MOK: variants seen among roughly 807,000 people sequenced by gnomAD.
The protein encoded by MOK is MOK protein kinase.
In MOK, 59 loss-of-function variants were observed where a neutral mutation model predicts 54.2. The observed-to-expected ratio is 1.09, with a 90% CI of 0.88 to 1.35. The LOEUF (loss-of-function observed/expected upper bound fraction) is 1.35. Ranked by LOEUF, MOK falls within the 40% of genes most tolerant of loss-of-function variation. The probability of loss-of-function intolerance (pLI) is 0.00; values close to 1 mark genes in which losing one functional copy is unlikely to be tolerated. For synonymous variants in MOK, 210 were observed against 202.7 expected, an observed-to-expected ratio of 1.04 and a Z score of -0.31; for missense variants, 517 against 526.2, an observed-to-expected ratio of 0.98 and a Z score of 0.17.
chr14:102,283,271 A>T, intron 2 of MOK: 1 of 411,690 alleles, frequency 2.4e-6, no homozygotes, highest in Non-Finnish European at 4.3e-6. Context: ...TTTTGTGGTC[A>T]TTCATCACTG....
Position 102,283,610 on chromosome 14 carries a change from T to A in MOK, c.8-18A>T, listed in dbSNP as rs1324783554. 1 of 1,515,496 alleles carries A rather than the reference T, an allele frequency of 6.6e-7. No individual in the cohort carries two copies. The highest frequency in any genetic ancestry group is 9.1e-7 in the Non-Finnish European group (1 of 1,099,652). 93.9% of individuals were successfully genotyped at this position (1,515,496 alleles called of 1,614,324 possible). ...TTTATAGTCTATAAATAAAAATGAT[T>A]ACAAAAATAAAATGTTATTTATGCA... On this transcript the variant is annotated intron_variant, in intron 1 of 11. Coordinates refer to ENST00000361847, the MANE Select transcript of MOK (RefSeq NM_014226.3).
chr14:102,216,945 T>G, the MOK span, among the ~76,000 whole-genome samples: 50 of 152,134 alleles, frequency 3.3e-4, no homozygotes, highest in African/African-American at 1.1e-3. Flanking sequence ...AGAAAAAAAA[T>G]AGCCATTTCT....
intron 2 of MOK, among the ~76,000 whole-genome samples, chr14:102,274,056 C>T (rs1200630282): frequency 2.0e-5 from 3 of 151,776 alleles, no homozygotes; most frequent in East Asian, 3.9e-4. Flanking sequence ...CTCCTGGGTT[C>T]ACTCCATTCT....
intron 4 of MOK, among the ~76,000 whole-genome samples, chr14:102,260,907 G>T (rs2067334445): frequency 2.0e-5 from 3 of 151,942 alleles, no homozygotes. Flanking sequence ...GGATCACGAG[G>T]TCAAGGAGAT....
intron 4 of MOK, among the ~76,000 whole-genome samples, chr14:102,257,964 A>G (rs2067104465): frequency 6.7e-6 from 1 of 148,818 alleles, no homozygotes; most frequent in Admixed American, 6.7e-5. Flanking sequence ...CAACAGAGTG[A>G]GACTCTGTCT....
intron 1 of MOK, among the ~76,000 whole-genome samples, chr14:102,290,866 A>T (rs1378108203): frequency 6.6e-6 from 1 of 152,168 alleles, no homozygotes; most frequent in Non-Finnish European, 1.5e-5. Context: ...TGAGTCTCCA[A>T]ATGGAGGTGG....
rs746718113 is a variant in MOK, at chr14:102,229,611, G to A, written c.1028C>T (p.Pro343Leu). ...QEEDRPKRRGPAYVMELPKLK... is the reference protein window; with the variant it reads ...QEEDRPKRRGLAYVMELPKLK... ...TTTGGGCAGTTCCATGACATAGGCCGGTCCTCGTCTCTTGGGACGGTCCTC... is the reference window on the plus strand; with the variant it reads ...TTTGGGCAGTTCCATGACATAGGCCAGTCCTCGTCTCTTGGGACGGTCCTC... Residue 343 changes from proline to leucine, a missense_variant, in exon 11 of 12, where the codon CCG becomes CTG. Physicochemically the swap from Pro to Leu is moderately conservative, Grantham distance 98. Transcript: ENST00000361847. 8 of 1,613,922 alleles carry A rather than the reference G, an allele frequency of 5.0e-6. No homozygotes were observed. The highest frequency in any genetic ancestry group is 4.4e-5 in the South Asian group (4 of 91,072).
chr14:102,224,377 G>A (rs989187069), downstream of MOK: 1 of 352,720 alleles, frequency 2.8e-6, no homozygotes, highest in East Asian at 7.6e-5. Flanking sequence ...AAACCAGCTC[G>A]TGAGCATCTG....
chr14:102,266,529 C>T (rs977468975), intron 2 of MOK, among the ~76,000 whole-genome samples: 8 of 152,024 alleles, frequency 5.3e-5, no homozygotes, highest in African/African-American at 1.2e-4. Flanking sequence ...TGATTACAAG[C>T]GTGAGCCACT....
At chr14:102,251,494 G>A (rs1403291594) in intron 6 of MOK, 10 of 546,566 alleles carry the variant, frequency 1.8e-5, no homozygotes, top group Admixed American at 4.6e-5. Flanking sequence ...GGTTTGAACG[G>A]CCGTCTGAAT....
At chr14:102,227,463 G>C (rs1859001554), downstream of MOK, among the ~76,000 whole-genome samples, 1 of 151,986 alleles carries the variant, frequency 6.6e-6, no homozygotes, top group Admixed American at 6.5e-5. Flanking sequence ...CCACCCCCCT[G>C]CTCAGACACC....
rs372645548 is a variant in MOK, at chr14:102,229,666, A to G, written c.982-9T>C. ...TGCTTTAGGGACTGTTTCTTGAAAC[A>G]GAACAGAGGCCAGTTGGACATAAAA... On this transcript the variant is annotated splice_polypyrimidine_tract_variant and intron_variant, in intron 10 of 11. Transcript: ENST00000361847. The G allele has an allele frequency of 4.4e-6, 7 of 1,589,468 alleles. No homozygotes were observed. The highest frequency in any genetic ancestry group is 6.0e-6 in the Non-Finnish European group (7 of 1,168,464).
At position 102,240,812 on chromosome 14, in the gene MOK, C is replaced by T. The variant is rs781725370; in HGVS notation, c.591-7023G>A. On this transcript the variant is annotated intron_variant, in intron 7 of 11. Coordinates refer to ENST00000361847, the MANE Select transcript of MOK (RefSeq NM_014226.3). The surrounding 1 kb of genome is among the most constrained non-coding windows in gnomAD (Gnocchi z 5.4). Reference sequence around the variant, plus strand: ...GCAGCCCAGGGCTGCTCACCACCCTCCTTATCTGTGTCTCTACCCTCTCTT... The same window carrying T: ...GCAGCCCAGGGCTGCTCACCACCCTTCTTATCTGTGTCTCTACCCTCTCTT... Among the ~76,000 whole-genome samples the T allele has an allele frequency of 6.6e-6, 1 of 152,202 alleles. No homozygotes were observed. The highest frequency in any genetic ancestry group is 1.5e-5 in the Non-Finnish European group (1 of 68,046).
intron 1 of MOK, among the ~76,000 whole-genome samples, chr14:102,299,511 T>C (rs2071907771): frequency 6.8e-6 from 1 of 147,222 alleles, no homozygotes; most frequent in Non-Finnish European, 1.5e-5. Context: ...TGAGACTACC[T>C]ACAAAAAAAA....
At chr14:102,248,947 C>A (rs549837031) in intron 7 of MOK, among the ~76,000 whole-genome samples, 6 of 152,196 alleles carry the variant, frequency 3.9e-5, no homozygotes, top group African/African-American at 1.4e-4. Flanking sequence ...CTCAGCTGAC[C>A]CTACAGTCAG....
chr14:102,241,154 C>A (rs943325506), intron 7 of MOK, among the ~76,000 whole-genome samples: 15 of 152,172 alleles, frequency 9.9e-5, no homozygotes, highest in Non-Finnish European at 1.0e-4. Flanking sequence ...GCTCCCAATG[C>A]AACTCATCCC....
In MOK at chr14:102,298,661, T is replaced by C. The variant is rs1002141434; in HGVS notation, c.7+6301A>G. On this transcript the variant is annotated intron_variant, in intron 1 of 11. Coordinates refer to ENST00000361847, the MANE Select transcript of MOK (RefSeq NM_014226.3). ...AATGGACCAATCAGCAGGATGTGGGTGGTGCCAGATAAGAGAATAAAAGCA... is the reference window on the plus strand; with the variant it reads ...AATGGACCAATCAGCAGGATGTGGGCGGTGCCAGATAAGAGAATAAAAGCA... 2.6e-5 allele frequency among the ~76,000 whole-genome samples: 4 copies of C among 152,268 alleles called. No individual in the cohort carries two copies. The South Asian group carries it at 8.3e-4, about 32-fold the overall frequency.
chr14:102,258,711 A>G (rs1017182503), intron 4 of MOK, among the ~76,000 whole-genome samples: 2 of 152,104 alleles, frequency 1.3e-5, no homozygotes, highest in African/African-American at 4.8e-5. Context: ...AAAGAAATCT[A>G]CCCCAGCAAT....
Position 102,231,774 on chromosome 14 carries a change from G to A in MOK, c.914C>T (p.Pro305Leu), listed in dbSNP as rs202050742. ...ALGSHRKAGF[P>L]EHPVAPEPLS... is the part of the protein sequence containing the mutation. Reference sequence around the variant, plus strand: ...TGGTTCCGGTGCCACAGGGTGCTCCGGAAAGCCAGCTTTTCTGTGGCTGCC... The same window carrying A: ...TGGTTCCGGTGCCACAGGGTGCTCCAGAAAGCCAGCTTTTCTGTGGCTGCC... The change falls in exon 10 of 12, where the codon CCG becomes CTG. Residue 305 changes from proline to leucine, a missense_variant. Transcript: ENST00000361847. This position sits in a 1 kb window ranked among gnomAD's most constrained non-coding sequence, Gnocchi z 4.4. 1.3e-5 allele frequency: 21 copies of A among 1,612,612 alleles called. No individual in the cohort carries two copies. Among genetic ancestry groups the A allele is most frequent in the Middle Eastern group, 3.8e-4 (2 of 5,288 alleles).
Sources: gnomAD v4.1 joint callset for allele counts (sites outside exome capture counted in the v4.1 genomes callset) on GRCh38, gnomAD v4.1.1 for gene constraint, Gnocchi (gnomAD v3.1) non-coding constraint, MANE v1.5 for transcripts, NCBI Gene and HGNC (gene_info 2026-07-23, HGNC 2026-07-21) for gene names.